The following LYPD5 variants were observed in gnomAD, a reference collection of about 807,000 sequenced individuals.
The protein encoded by LYPD5 is LY6/PLAUR domain containing 5.
Under a neutral mutation model 19.1 loss-of-function variants are expected in LYPD5, and 21 were observed. That is an observed-to-expected ratio of 1.10 (90% CI 0.78 to 1.58). The LOEUF (loss-of-function observed/expected upper bound fraction) is 1.58. Ranked by LOEUF, LYPD5 falls within the 40% of genes most tolerant of loss-of-function variation. LYPD5 has a pLI of 0.00. For synonymous variants in LYPD5, 128 were observed against 142.7 expected, an observed-to-expected ratio of 0.90 and a Z score of 0.74; for missense variants, 287 against 329.8, an observed-to-expected ratio of 0.87 and a Z score of 1.00.
chr19:43,799,094 TCCCC>T, intron 2 of LYPD5, 106 bp from the exon 3 acceptor site: 8 of 906,252 alleles, frequency 8.8e-6, no homozygotes, highest in Non-Finnish European at 1.2e-5. Flanking sequence ...CTACACCTCC[TCCCC>T]TCCCTCCTTC....
At chr19:43,806,826 C>T (rs1970274567), upstream of LYPD5, among the ~76,000 whole-genome samples, 1 of 152,138 alleles carries the variant, frequency 6.6e-6, no homozygotes, top group South Asian at 2.1e-4. Context: ...CTGAAACCAT[C>T]CCCCACTCCC....
chr19:43,809,116 T>C (rs879499897), intron 1 of LYPD5, among the ~76,000 whole-genome samples: 2 of 152,080 alleles, frequency 1.3e-5, no homozygotes, highest in Non-Finnish European at 2.9e-5. Flanking sequence ...CTCGGCTCAC[T>C]GCAACCTCCA....
chr19:43,803,140 G>A (rs1970243064), upstream of LYPD5, among the ~76,000 whole-genome samples: 1 of 152,230 alleles, frequency 6.6e-6, no homozygotes, highest in South Asian at 2.1e-4. Flanking sequence ...AGCCTGCTGT[G>A]AACAGATGTG....
chr19:43,811,815 TC>T (rs1329507212), intron 1 of LYPD5, among the ~76,000 whole-genome samples: 6 of 152,230 alleles, frequency 3.9e-5, no homozygotes, highest in African/African-American at 1.4e-4. Flanking sequence ...ATTATGTGGA[TC>T]AAAATTGTCA....
chr19:43,797,610 A>T lies in LYPD5; in HGVS notation c.737T>A (p.Leu246Gln). Residue 246 changes from leucine (L) to glutamine (Q), a missense_variant, in exon 5 of 5, where the codon CTG (leucine) becomes CAG (glutamine). By Grantham distance (113) the Leu-to-Gln change is moderately radical (BLOSUM62 -2). Coordinates refer to ENST00000377950, the MANE Select transcript of LYPD5 (RefSeq NM_001031749.3). ...GGCGGTCTATGCTGAGAGCCCCACC[A>T]GCAGGAGGACTGGGAGGAGCAGGGC... is the stretch of plus-strand genomic sequence containing the variant. ...VLALLLPVLLLVGLSA is the reference protein window; with the variant it reads ...VLALLLPVLLQVGLSA 6.2e-7 allele frequency: 1 copy of T among 1,607,100 alleles called. No homozygotes were observed. The highest frequency in any genetic ancestry group is 8.5e-7 in the Non-Finnish European group (1 of 1,175,314).
Position 43,797,011 on chromosome 19 carries a change from A to AGGGCAT in LYPD5, c.*579_*580insATGCCC, listed in dbSNP as rs1970139668. On this transcript the variant is annotated 3_prime_UTR_variant, in exon 5 of 5. Coordinates refer to ENST00000377950, the MANE Select transcript of LYPD5 (RefSeq NM_001031749.3). Reference sequence around the variant, plus strand: ...GCAGCTTAGCTCCAGAGCCTGGCTTAAGTAACTCACCCATGGTCTCTGTAG... The same window carrying AGGGCAT: ...GCAGCTTAGCTCCAGAGCCTGGCTTAGGGCATAGTAACTCACCCATGGTCTCTGTAG... The AGGGCAT allele has an allele frequency of 6.6e-6, 1 of 152,182 alleles. No homozygotes were observed. Among genetic ancestry groups the AGGGCAT allele is most frequent in the African/African-American group, 2.4e-5 (1 of 41,358 alleles). 9.4% of individuals were successfully genotyped at this position (152,182 alleles called of 1,614,324 possible). A position where few individuals can be genotyped will look rare whatever the true frequency, so the allele number is the denominator to read the frequency against.
In LYPD5 at chr19:43,797,719, C is replaced by A; in HGVS notation, c.628G>T (p.Gly210Trp). ...ATGGATTTCCTGTTGCAGAGGTACC[C>A]CTCACAGCAGGAGCCCTGGAGGTCG... is the stretch of plus-strand genomic sequence containing the variant. ...AIDLQGSCCE[G>W]YLCNRKSMTQ... The change falls in exon 5 of 5, where the codon GGG becomes TGG. Residue 210 changes from glycine (G) to tryptophan (W), a missense_variant. Transcript: ENST00000377950. 6.2e-7 allele frequency: 1 copy of A among 1,613,742 alleles called. No individual in the cohort carries two copies. Among genetic ancestry groups the A allele is most frequent in the East Asian group, 2.2e-5 (1 of 44,848 alleles).
chr19:43,809,657 G>A (rs1268344603), intron 1 of LYPD5, among the ~76,000 whole-genome samples: 1 of 152,234 alleles, frequency 6.6e-6, no homozygotes, highest in Non-Finnish European at 1.5e-5. Flanking sequence ...CTCCCAAAGT[G>A]CTGGGATTAC....
chr19:43,819,306 A>C, intron 1 of LYPD5, among the ~76,000 whole-genome samples: 1 of 73,388 alleles, frequency 1.4e-5, no homozygotes, highest in Admixed American at 1.8e-4. Context: ...TTTTTTTGAG[A>C]TGGAGTTTGC....
chr19:43,819,283 CTTTTT>C (rs560659624), intron 1 of LYPD5, among the ~76,000 whole-genome samples: 1 of 110,518 alleles, frequency 9.0e-6, no homozygotes, highest in Non-Finnish European at 1.8e-5. Context: ...TCTTCTTCTT[CTTTTT>C]TTTTTTTTTT....
At chr19:43,809,117 G>A (rs999239259) in intron 1 of LYPD5, among the ~76,000 whole-genome samples, 2 of 152,012 alleles carry the variant, frequency 1.3e-5, no homozygotes, top group African/African-American at 2.4e-5. Flanking sequence ...TCGGCTCACT[G>A]CAACCTCCAC....
intron 1 of LYPD5, among the ~76,000 whole-genome samples, chr19:43,801,209 G>A (rs181889497): frequency 4.3e-4 from 66 of 152,092 alleles, no homozygotes; most frequent in African/African-American, 1.5e-3. Flanking sequence ...GCAACAGAGT[G>A]AGACCTTATC....
chr19:43,798,318 C>G, intron 4 of LYPD5, 137 bp downstream of exon 4: 1 of 1,122,586 alleles, frequency 8.9e-7, no homozygotes, highest in Non-Finnish European at 1.3e-6. Flanking sequence ...CAAACCTTCT[C>G]CCTCAGACCA....
chr19:43,816,471 G>C (rs1214707105), intron 1 of LYPD5, among the ~76,000 whole-genome samples: 2 of 152,174 alleles, frequency 1.3e-5, no homozygotes, highest in African/African-American at 2.4e-5. Flanking sequence ...GGGCAAGACA[G>C]TGCTGCAGTC....
chr19:43,810,606 C>T lies in LYPD5; in HGVS notation c.-66+9934G>A, dbSNP rs894881847. ...TTCCCCTCCTCTCCCCTTTCTTTCC[C>T]TTCCCTTCCTTTCTTTCCGTTTTTC... On this transcript the variant is annotated intron_variant, in intron 1 of 4. Transcript: ENST00000414615. Among the ~76,000 whole-genome samples, 7 of 131,486 alleles carry T rather than the reference C, an allele frequency of 5.3e-5. No individual in the cohort carries two copies. The East Asian group carries it at 1.0e-3, about 20-fold the overall frequency. The allele number at this position is 131,486 out of a possible 152,430, so 86.3% of individuals were successfully genotyped here.
chr19:43,804,539 C>T (rs1016512817), upstream of LYPD5, among the ~76,000 whole-genome samples: 1 of 152,200 alleles, frequency 6.6e-6, no homozygotes, highest in Admixed American at 6.5e-5. Context: ...TTCCCTATTG[C>T]AATCTCCTTG....
intron 1 of LYPD5, among the ~76,000 whole-genome samples, chr19:43,816,542 C>A (rs1380777825): frequency 6.6e-6 from 1 of 152,194 alleles, no homozygotes; most frequent in Admixed American, 6.5e-5. Flanking sequence ...AAGTAAAATA[C>A]ATTTGTCAGA....
rs999230178 is a variant in LYPD5 at position 43,797,249 on chromosome 19, C to A, written c.*342G>T. ...TAAAGACATCATTGTATAGCTCCCT[C>A]CTAGAGCTGCGACAGGCTCTGGAGG... is the stretch of plus-strand genomic sequence containing the variant. On this transcript the variant is annotated 3_prime_UTR_variant, in exon 5 of 5. Coordinates refer to ENST00000377950, the MANE Select transcript of LYPD5 (RefSeq NM_001031749.3). 6.4e-5 allele frequency: 18 copies of A among 279,570 alleles called. No individual in the cohort carries two copies. The highest frequency in any genetic ancestry group is 9.8e-5 in the Admixed American group (2 of 20,464). The allele number at this position is 279,570 out of a possible 1,614,324, so 17.3% of individuals were successfully genotyped here.
chr19:43,799,973 C>CT, intron 1 of LYPD5, 139 bp from the exon 2 acceptor site: 1 of 1,009,476 alleles, frequency 9.9e-7, no homozygotes, highest in Non-Finnish European at 1.4e-6. Context: ...AGACCAGGTG[C>CT]TGCTATTGCA....
Sources: allele counts gnomAD v4.1 joint callset (sites outside exome capture counted in the v4.1 genomes callset), GRCh38; gene constraint gnomAD v4.1.1; transcripts MANE v1.5; gene names NCBI Gene and HGNC (gene_info 2026-07-23, HGNC 2026-07-21).